The following BCL2L13 variants were observed in gnomAD, a reference collection of about 807,000 sequenced individuals.
BCL2L13 encodes bcl-2-like protein 13.
Under a neutral mutation model 25.8 loss-of-function variants are expected in BCL2L13, and 13 were observed. The observed-to-expected ratio is 0.50, with a 90% CI of 0.33 to 0.80. BCL2L13 has a LOEUF of 0.80. Among genes scored for constraint, BCL2L13 ranks in the 30% least tolerant of loss-of-function variants. BCL2L13 has a pLI of 0.02. For missense variants in BCL2L13, 504 were observed against 574.9 expected (o/e 0.88, Z 1.26); for synonymous variants, 244 against 230.3 (o/e 1.06, Z -0.54).
Position 17,727,252 on chromosome 22 carries a change from T to C in BCL2L13, c.1176T>C (p.Pro392=), listed in dbSNP as rs748118306. Residue 392 remains proline, a synonymous_variant, in exon 7 of 7, where the codon CCT becomes CCC. Transcript: ENST00000317582. ...AGGTGAAAGCAGCAACAACTGAACC[T>C]ACTGAAGTGGAGGAGGTGGTCCCCG... ...EEEVKAATTE[P]TEVEEVVPAL... 6.2e-7 allele frequency: 1 copy of C among 1,614,214 alleles called. No homozygotes were observed. Among genetic ancestry groups the C allele is most frequent in the Admixed American group, 1.7e-5 (1 of 60,032 alleles).
chr22:17,716,883 G>T (rs1334478436), intron 6 of BCL2L13, among the ~76,000 whole-genome samples: 1 of 152,146 alleles, frequency 6.6e-6, no homozygotes, highest in Non-Finnish European at 1.5e-5. Flanking sequence ...TCATGTCTCA[G>T]CAAGACTGAG....
At position 17,726,858 on chromosome 22, in the gene BCL2L13, G is replaced by A. The variant is rs746692023; in HGVS notation, c.782G>A (p.Ser261Asn). Residue 261 changes from serine (S) to asparagine (N), a missense_variant, in exon 7 of 7, where the codon AGT becomes AAT. By Grantham distance (46) the Ser-to-Asn change is conservative. Coordinates refer to ENST00000317582, the MANE Select transcript of BCL2L13 (RefSeq NM_015367.4). ...CCTGTGTCACTGTCAGCTAGCCAGA[G>A]TTGGCACACAGAAAGCCTGCCAGTG... ...SLPVSLSASQSWHTESLPVSL... is the reference protein window; with the variant it reads ...SLPVSLSASQNWHTESLPVSL... 6.2e-7 allele frequency: 1 copy of A among 1,613,986 alleles called. No homozygotes were observed. Among genetic ancestry groups the A allele is most frequent in the Non-Finnish European group, 8.5e-7 (1 of 1,179,834 alleles).
At chr22:17,721,875 T>A (rs996722164) in intron 6 of BCL2L13, among the ~76,000 whole-genome samples, 3 of 151,744 alleles carry the variant, frequency 2.0e-5, no homozygotes, top group African/African-American at 7.3e-5. Context: ...TTAGCCAGGA[T>A]GGTCTCGATC....
intron 6 of BCL2L13, chr22:17,706,866 A>G: frequency 7.5e-7 from 1 of 1,335,950 alleles, no homozygotes; most frequent in South Asian, 1.1e-5. Flanking sequence ...CACATGATAA[A>G]TACTTCTTGT....
At chr22:17,673,043 T>C (rs891289650) in intron 2 of BCL2L13, among the ~76,000 whole-genome samples, 2 of 152,226 alleles carry the variant, frequency 1.3e-5, no homozygotes, top group Non-Finnish European at 2.9e-5. Context: ...ATGTAGTTTC[T>C]AATGTTATTT....
Position 17,722,396 on chromosome 22 carries a change from T to C in BCL2L13, c.601-4281T>C, listed in dbSNP as rs977543332. ...CTACAGGGGTGTGTGTGTGTGTGTGTGTGTGTGTGTGTGTGTGTGTGTGTA... is the reference window on the plus strand; with the variant it reads ...CTACAGGGGTGTGTGTGTGTGTGTGCGTGTGTGTGTGTGTGTGTGTGTGTA... On this transcript the variant is annotated intron_variant, in intron 6 of 6. Transcript: ENST00000317582. Among the ~76,000 whole-genome samples the C allele has an allele frequency of 1.9e-3, 288 of 151,644 alleles. 1 individual carries two copies. The highest frequency in any genetic ancestry group is 6.8e-3 in the African/African-American group (280 of 41,316).
rs759074941 is a variant in BCL2L13 at position 17,702,296 on chromosome 22, T to C, written c.510T>C (p.Arg170=). Residue 170 remains arginine (R), a synonymous_variant, in exon 6 of 7, where the codon CGT becomes CGC. Coordinates refer to ENST00000317582, the MANE Select transcript of BCL2L13 (RefSeq NM_015367.4). ...AAATGCTTTTGGAATTGACAAGACG[T>C]GGTCAAGAACCTTTGAGCGCACTGC... The part of the protein sequence containing the change: ...LRQMLLELTR[R]GQEPLSALLQ... The C allele has an allele frequency of 6.2e-7, 1 of 1,612,174 alleles. No homozygotes were observed. The highest frequency in any genetic ancestry group is 8.5e-7 in the Non-Finnish European group (1 of 1,179,054).
intron 6 of BCL2L13, chr22:17,703,267 T>C (rs1198007386): frequency 6.6e-6 from 1 of 152,230 alleles, no homozygotes; most frequent in Non-Finnish European, 1.5e-5. Flanking sequence ...GGTGCAGAAG[T>C]CTGTACGTGT....
At chr22:17,667,328 C>T (rs1012320686) in intron 2 of BCL2L13, among the ~76,000 whole-genome samples, 4 of 151,832 alleles carry the variant, frequency 2.6e-5, no homozygotes, top group South Asian at 2.1e-4. Context: ...CCCACCACTA[C>T]GCCTGGCTAA....
intron 6 of BCL2L13, among the ~76,000 whole-genome samples, chr22:17,723,906 C>A (rs942046187): frequency 1.3e-5 from 2 of 149,880 alleles, no homozygotes; most frequent in African/African-American, 4.9e-5. Flanking sequence ...GCACTCCAGC[C>A]TGATGACAGA....
At chr22:17,675,931 A>AGG (rs1303992767) in intron 2 of BCL2L13, among the ~76,000 whole-genome samples, 2 of 152,330 alleles carry the variant, frequency 1.3e-5, no homozygotes, top group East Asian at 3.9e-4. Flanking sequence ...AAACTGACAG[A>AGG]GGTTGTCCTG....
chr22:17,657,315 A>G (rs1260970777), intron 2 of BCL2L13, among the ~76,000 whole-genome samples: 2 of 152,146 alleles, frequency 1.3e-5, no homozygotes, highest in East Asian at 3.8e-4. Flanking sequence ...TCATTTGTTT[A>G]CTCTGGAAAA....
chr22:17,655,165 C>T lies in BCL2L13; in HGVS notation c.-50-497C>T, dbSNP rs534565705. Among the ~76,000 whole-genome samples the T allele has an allele frequency of 3.9e-4, 59 of 152,150 alleles. 1 individual carries two copies. Among genetic ancestry groups the T allele is most frequent in the South Asian group, 1.0e-3 (5 of 4,822 alleles). On this transcript the variant is annotated intron_variant, in intron 1 of 6. Transcript: ENST00000317582. ...CACAGAGTCAGGATTATTAATATCACTGTCTTCTACCTCCACATCTTGTCC... is the reference window on the plus strand; with the variant it reads ...CACAGAGTCAGGATTATTAATATCATTGTCTTCTACCTCCACATCTTGTCC...
chr22:17,724,442 A>G (rs948198851), intron 6 of BCL2L13, among the ~76,000 whole-genome samples: 2 of 152,172 alleles, frequency 1.3e-5, no homozygotes, highest in African/African-American at 4.8e-5. Flanking sequence ...GTCATACTGT[A>G]TTATTTTAAC....
chr22:17,657,162 T>TA (rs1157883395), intron 2 of BCL2L13, among the ~76,000 whole-genome samples: 2 of 152,136 alleles, frequency 1.3e-5, no homozygotes, highest in African/African-American at 2.4e-5. Flanking sequence ...GTTTCAAACT[T>TA]AAACACATCT....
chr22:17,652,517 C>T (rs889994681), intron 1 of BCL2L13, among the ~76,000 whole-genome samples: 2 of 152,058 alleles, frequency 1.3e-5, no homozygotes, highest in African/African-American at 4.8e-5. Flanking sequence ...CGGCTCATTT[C>T]AACCTCTTCC....
intron 2 of BCL2L13, among the ~76,000 whole-genome samples, chr22:17,663,844 G>A (rs2059151184): frequency 1.4e-5 from 2 of 138,892 alleles, no homozygotes; most frequent in South Asian, 2.3e-4. Context: ...TTGCCACCAC[G>A]CCTGGCTAAT....
At chr22:17,721,952 G>A (rs1413343861) in intron 6 of BCL2L13, among the ~76,000 whole-genome samples, 2 of 152,106 alleles carry the variant, frequency 1.3e-5, no homozygotes, top group East Asian at 1.9e-4. Flanking sequence ...GAGCCACCGC[G>A]CCCGGCCAAG....
rs34881981 is a variant in BCL2L13 at position 17,644,334 on chromosome 22, C to CTT, written c.-51+5462_-51+5463dup. On this transcript the variant is annotated intron_variant, in intron 1 of 6. Coordinates refer to ENST00000317582, the MANE Select transcript of BCL2L13 (RefSeq NM_015367.4). ...TGTATTACTGGAGCATTTAATAATTCTTTTTTTTTTTTTTTGAGACAGATT... is the reference window on the plus strand; with the variant it reads ...TGTATTACTGGAGCATTTAATAATTCTTTTTTTTTTTTTTTTTGAGACAGATT... 3.4e-4 allele frequency among the ~76,000 whole-genome samples: 47 copies of CTT among 139,402 alleles called. 1 individual carries two copies. The highest frequency in any genetic ancestry group is 5.6e-4 in the African/African-American group (21 of 37,238). The allele number at this position is 139,402 out of a possible 152,430, so 91.5% of individuals were successfully genotyped here.
Sources: allele counts gnomAD v4.1 joint callset (sites outside exome capture counted in the v4.1 genomes callset), GRCh38; gene constraint gnomAD v4.1.1; transcripts MANE v1.5; gene names NCBI Gene and HGNC (gene_info 2026-07-23, HGNC 2026-07-21).